ROR1: variants seen among roughly 807,000 people sequenced by gnomAD.
ROR1 encodes the protein ROR family WNT receptor 1, also known as inactive tyrosine-protein kinase transmembrane receptor ROR1.
A neutral mutation model predicts 78.8 loss-of-function variants in ROR1; 19 were observed. That is an observed-to-expected ratio of 0.24 (90% CI 0.17 to 0.35). The LOEUF is 0.35. Ranked by LOEUF, ROR1 falls within the 10% of genes least tolerant of loss-of-function variation. The probability of loss-of-function intolerance (pLI) is 1.00; values close to 1 mark genes in which losing one functional copy is unlikely to be tolerated. For synonymous variants in ROR1, 386 were observed against 433.6 expected, an observed-to-expected ratio of 0.89 and a Z score of 1.36; for missense variants, 917 against 1,177.8, an observed-to-expected ratio of 0.78 and a Z score of 3.24.
chr1:63,824,858 C>T (rs947473323), intron 1 of ROR1, among the ~76,000 whole-genome samples: 5 of 152,036 alleles, frequency 3.3e-5, no homozygotes, highest in Admixed American at 1.3e-4. Flanking sequence ...ATAGGGCTTA[C>T]GTATGTATAA....
At chr1:63,994,654 A>G (rs1646323083) in intron 1 of ROR1, among the ~76,000 whole-genome samples, 1 of 152,236 alleles carries the variant, frequency 6.6e-6, no homozygotes, top group African/African-American at 2.4e-5. Flanking sequence ...AGGGAGAGGT[A>G]GTAAAGTGAA....
chr1:64,122,473 C>G (rs1400398810), intron 4 of ROR1, among the ~76,000 whole-genome samples: 2 of 152,172 alleles, frequency 1.3e-5, no homozygotes, highest in Non-Finnish European at 2.9e-5. Context: ...CTTATGTATT[C>G]ATCGATCCTT....
chr1:63,981,289 T>C (rs285346), intron 1 of ROR1, among the ~76,000 whole-genome samples: 117,765 of 151,968 alleles, frequency 0.77, 46,159 homozygotes, highest in East Asian at 0.94. Flanking sequence ...TGACCCAGTC[T>C]AACAGCCTCC....
intron 1 of ROR1, among the ~76,000 whole-genome samples, chr1:64,004,918 G>A (rs147021614): frequency 6.6e-6 from 1 of 152,120 alleles, no homozygotes; most frequent in Non-Finnish European, 1.5e-5. Flanking sequence ...AGCTTTTGAG[G>A]TTTGCCCTCC....
intron 1 of ROR1, among the ~76,000 whole-genome samples, chr1:63,791,582 A>C (rs972295937): frequency 6.6e-6 from 1 of 152,058 alleles, no homozygotes; most frequent in Non-Finnish European, 1.5e-5. Context: ...CCAGAGTCAA[A>C]GCAACTCAGA....
chr1:63,832,949 C>T (rs547340404), intron 1 of ROR1, among the ~76,000 whole-genome samples: 2 of 152,350 alleles, frequency 1.3e-5, no homozygotes, highest in South Asian at 4.1e-4. Context: ...TGTCCATTTT[C>T]TGATAACCAG....
At chr1:64,055,440 T>C (rs1350606308) in intron 4 of ROR1, among the ~76,000 whole-genome samples, 1 of 152,224 alleles carries the variant, frequency 6.6e-6, no homozygotes, top group East Asian at 1.9e-4. Context: ...AGTGTCACAA[T>C]ACACAAAACT....
At chr1:63,974,632 T>C (rs941167600) in intron 1 of ROR1, among the ~76,000 whole-genome samples, 24 of 152,032 alleles carry the variant, frequency 1.6e-4, no homozygotes, top group African/African-American at 5.6e-4. Flanking sequence ...TGTAAACCCT[T>C]TTTTTTCTTT....
intron 1 of ROR1, among the ~76,000 whole-genome samples, chr1:63,951,670 G>T (rs1332028338): frequency 1.3e-5 from 2 of 152,080 alleles, no homozygotes; most frequent in Admixed American, 6.6e-5. Flanking sequence ...CCTAGGAGGG[G>T]CCTTAGCTAT....
At chr1:63,996,392 A>C (rs1646337139) in intron 1 of ROR1, among the ~76,000 whole-genome samples, 1 of 152,216 alleles carries the variant, frequency 6.6e-6, no homozygotes, top group Non-Finnish European at 1.5e-5. Context: ...ATCAGTAATG[A>C]CATGGTGCAG....
chr1:63,818,994 A>G (rs1321121580), intron 1 of ROR1, among the ~76,000 whole-genome samples: 4 of 152,092 alleles, frequency 2.6e-5, no homozygotes, highest in Admixed American at 1.3e-4. Flanking sequence ...TACTACTAAT[A>G]AGGAAAAATT....
intron 1 of ROR1, among the ~76,000 whole-genome samples, chr1:63,787,438 TTTCCTTCCTTCCTTCC>T (rs72297365): frequency 2.5e-4 from 32 of 127,812 alleles, no homozygotes; most frequent in African/African-American, 6.3e-4. Context: ...ATTGCCTTTC[TTTCCTTCCTTCCTTCC>T]TTCCTTCCTT....
At chr1:64,085,229 A>G (rs1647141859) in intron 4 of ROR1, among the ~76,000 whole-genome samples, 1 of 152,234 alleles carries the variant, frequency 6.6e-6, no homozygotes, top group African/African-American at 2.4e-5. Context: ...AATAGCATCA[A>G]TTATGCATTC....
intron 1 of ROR1, among the ~76,000 whole-genome samples, chr1:63,821,102 G>T (rs1036248817): frequency 2.6e-5 from 4 of 152,150 alleles, no homozygotes; most frequent in African/African-American, 9.7e-5. Flanking sequence ...ATTATGCTGG[G>T]GGGAGGAAGC....
intron 2 of ROR1, among the ~76,000 whole-genome samples, chr1:64,037,155 T>C (rs1012867722): frequency 6.6e-6 from 1 of 152,176 alleles, no homozygotes; most frequent in Non-Finnish European, 1.5e-5. Context: ...TCAGAGGTCC[T>C]GCCACATGCA....
At chr1:63,797,008 A>AT (rs1208605003) in intron 1 of ROR1, among the ~76,000 whole-genome samples, 1 of 152,122 alleles carries the variant, frequency 6.6e-6, no homozygotes, top group African/African-American at 2.4e-5. Context: ...GATGTTCTAT[A>AT]TTTTTTCTAA....
At chr1:63,859,482 C>T (rs1292922696) in intron 1 of ROR1, among the ~76,000 whole-genome samples, 3 of 152,326 alleles carry the variant, frequency 2.0e-5, no homozygotes, top group Non-Finnish European at 4.4e-5. Context: ...CTGCTCAATA[C>T]TTAGCTATAA....
At chr1:64,139,154 G>A (rs1315330547) in intron 5 of ROR1, among the ~76,000 whole-genome samples, 2 of 118,578 alleles carry the variant, frequency 1.7e-5, no homozygotes, top group Non-Finnish European at 3.3e-5. Context: ...GCGACAGAGT[G>A]AGACTGTCTC....
rs185442066 is a variant in ROR1 at position 63,904,622 on chromosome 1, A to T, written c.92-104683A>T. ...CCTAAGCCTAACTCCTTAGGAAGAG[A>T]CTATATTTGGAGATGGGGCTGTTAA... is the stretch of plus-strand genomic sequence containing the variant. On this transcript the variant is annotated intron_variant, in intron 1 of 8. Transcript: ENST00000371079. Among the ~76,000 whole-genome samples, 3 of 152,284 alleles carry T rather than the reference A, an allele frequency of 2.0e-5. No homozygotes were observed. The East Asian group carries it at 5.8e-4, about 29-fold the overall frequency.
Sources: allele counts gnomAD v4.1 joint callset (sites outside exome capture counted in the v4.1 genomes callset), GRCh38; gene constraint gnomAD v4.1.1; transcripts MANE v1.5; gene names NCBI Gene and HGNC (gene_info 2026-07-23, HGNC 2026-07-21).